TGFB2: variants seen among roughly 807,000 people sequenced by gnomAD.
The protein encoded by TGFB2 is transforming growth factor beta 2.
Under a neutral mutation model 42.7 loss-of-function variants are expected in TGFB2, and 13 were observed. The observed-to-expected ratio is 0.30, with a 90% CI of 0.20 to 0.48. TGFB2 has a LOEUF of 0.48. Ranked by LOEUF, TGFB2 falls within the 20% of genes least tolerant of loss-of-function variation. TGFB2 has a pLI of 0.99. For missense variants in TGFB2, 390 were observed against 517.5 expected (o/e 0.75, Z 2.39); for synonymous variants, 193 against 193.6 (o/e 1.00, Z 0.03).
At chr1:218,412,708 T>A (rs985355834) in intron 2 of TGFB2, among the ~76,000 whole-genome samples, 1 of 152,174 alleles carries the variant, frequency 6.6e-6, no homozygotes, top group Admixed American at 6.5e-5. Flanking sequence ...GTTCAACATG[T>A]GTTAGTTCCC....
At chr1:218,363,565 A>AT (rs1212938166) in intron 1 of TGFB2, 50 of 718,438 alleles carry the variant, frequency 7.0e-5, no homozygotes, top group Non-Finnish European at 1.0e-4. Flanking sequence ...GGTGCCTAGA[A>AT]TTTTTTTTAG....
intron 2 of TGFB2, among the ~76,000 whole-genome samples, chr1:218,431,404 G>T (rs914825428): frequency 6.6e-6 from 1 of 152,044 alleles, no homozygotes; most frequent in African/African-American, 2.4e-5. Flanking sequence ...TATAGATTTG[G>T]CATTATGTGT....
intron 1 of TGFB2, among the ~76,000 whole-genome samples, chr1:218,398,925 C>T (rs149937154): frequency 6.6e-6 from 1 of 152,086 alleles, no homozygotes. Flanking sequence ...CTCTGTTGCC[C>T]AGGCTTCAGT....
chr1:218,434,567 C>A, intron 4 of TGFB2, 119 bp downstream of exon 4: 1 of 661,994 alleles, frequency 1.5e-6, no homozygotes, highest in Non-Finnish European at 2.6e-6. Flanking sequence ...GAGTTTCATT[C>A]ATTTGGACAG....
chr1:218,376,361 A>T (rs11118090), intron 1 of TGFB2, among the ~76,000 whole-genome samples: 3,881 of 152,302 alleles, frequency 0.025, 166 homozygotes, highest in African/African-American at 0.088. Context: ...CTCTGCCTGG[A>T]TGGTTCCTGA....
intron 1 of TGFB2, among the ~76,000 whole-genome samples, chr1:218,390,467 T>C (rs138954152): frequency 1.3e-3 from 196 of 152,230 alleles, no homozygotes; most frequent in African/African-American, 4.5e-3. Flanking sequence ...TTTCAGTCAG[T>C]TTTTTCTCCC....
chr1:218,386,870 C>G (rs904606753), intron 1 of TGFB2, among the ~76,000 whole-genome samples: 2 of 152,064 alleles, frequency 1.3e-5, no homozygotes, highest in Non-Finnish European at 2.9e-5. Context: ...TTATTTAATC[C>G]TTATGGCAAT....
At chr1:218,397,267 A>T (rs1293220778) in intron 1 of TGFB2, among the ~76,000 whole-genome samples, 1 of 94,972 alleles carries the variant, frequency 1.1e-5, no homozygotes, top group Non-Finnish European at 1.9e-5. Context: ...GACTCCATCT[A>T]AAAAAAAAAA....
rs1571895682 is a variant in TGFB2, at chr1:218,428,175, G to A, written c.511-5907G>A. On this transcript the variant is annotated intron_variant, in intron 2 of 6. Coordinates refer to ENST00000366930, the MANE Select transcript of TGFB2 (RefSeq NM_003238.6). Reference sequence around the variant, plus strand: ...TCATATCCTTTGCCTACTTTTTGATGGGGTTGTTTGATTTTTTCTTGTAAA... The same window carrying A: ...TCATATCCTTTGCCTACTTTTTGATAGGGTTGTTTGATTTTTTCTTGTAAA... Among the ~76,000 whole-genome samples, 4 of 152,262 alleles carry A rather than the reference G, an allele frequency of 2.6e-5. No homozygotes were observed. In the East Asian group the frequency reaches 5.8e-4, roughly 22 times the overall value.
At chr1:218,377,962 T>C (rs1013789174) in intron 1 of TGFB2, among the ~76,000 whole-genome samples, 1 of 123,018 alleles carries the variant, frequency 8.1e-6, no homozygotes, top group Non-Finnish European at 1.5e-5. Context: ...TATAGTGTGT[T>C]TGTTTGTTTG....
At chr1:218,358,334 T>C (rs1286403686) in intron 1 of TGFB2, among the ~76,000 whole-genome samples, 1 of 152,232 alleles carries the variant, frequency 6.6e-6, no homozygotes, top group East Asian at 1.9e-4. Context: ...GTGTTGGTAA[T>C]GTCAGTGCTT....
chr1:218,356,936 G>T (rs1022798615), intron 1 of TGFB2, among the ~76,000 whole-genome samples: 1 of 152,238 alleles, frequency 6.6e-6, no homozygotes, highest in Non-Finnish European at 1.5e-5. Flanking sequence ...AGGAGGCCGG[G>T]TGCAGTGGCT....
intron 1 of TGFB2, among the ~76,000 whole-genome samples, chr1:218,349,468 G>A (rs1656799589): frequency 6.6e-6 from 1 of 152,250 alleles, no homozygotes; most frequent in Non-Finnish European, 1.5e-5. Context: ...TCACTGAAGT[G>A]GCTGTGGGGA....
intron 1 of TGFB2, among the ~76,000 whole-genome samples, chr1:218,392,644 C>G (rs952195362): frequency 3.3e-5 from 5 of 152,192 alleles, no homozygotes; most frequent in Non-Finnish European, 1.5e-5. Context: ...GAGTTTGATG[C>G]TTATAAGAGA....
chr1:218,437,250 A>G (rs1659998901), intron 5 of TGFB2, 93 bp from the exon 6 acceptor site: 3 of 1,234,208 alleles, frequency 2.4e-6, no homozygotes, highest in South Asian at 1.6e-5. Context: ...AAATGAATGA[A>G]TCATTTTTCT....
intron 2 of TGFB2, among the ~76,000 whole-genome samples, chr1:218,417,853 C>T (rs1041745675): frequency 6.6e-6 from 1 of 152,222 alleles, no homozygotes; most frequent in African/African-American, 2.4e-5. Flanking sequence ...TTGGCAGCTT[C>T]TACATGGTGT....
At chr1:218,431,398 G>A (rs10482790) in intron 2 of TGFB2, among the ~76,000 whole-genome samples, 1 of 152,084 alleles carries the variant, frequency 6.6e-6, no homozygotes, top group Non-Finnish European at 1.5e-5. Context: ...GATTTATATA[G>A]ATTTGGCATT....
chr1:218,388,333 C>T (rs1221110564), intron 1 of TGFB2, among the ~76,000 whole-genome samples: 1 of 152,204 alleles, frequency 6.6e-6, no homozygotes, highest in Non-Finnish European at 1.5e-5. Context: ...GTTGGCCCCC[C>T]CACATCCAGA....
intron 1 of TGFB2, among the ~76,000 whole-genome samples, chr1:218,395,595 ATTTTC>A (rs1165290788): frequency 1.4e-5 from 2 of 143,778 alleles, no homozygotes; most frequent in Admixed American, 7.0e-5. Context: ...CTCTTGATTT[ATTTTC>A]TTTTCTTTTT....
Sources: allele counts gnomAD v4.1 joint callset (sites outside exome capture counted in the v4.1 genomes callset), GRCh38; gene constraint gnomAD v4.1.1; transcripts MANE v1.5; gene names NCBI Gene and HGNC (gene_info 2026-07-23, HGNC 2026-07-21).